MYBL2: variants seen among roughly 807,000 people sequenced by gnomAD.
MYBL2 encodes the protein MYB proto-oncogene like 2.
A neutral mutation model predicts 79.9 loss-of-function variants in MYBL2; 28 were observed. The observed-to-expected ratio is 0.35, with a 90% CI of 0.26 to 0.48. The LOEUF (loss-of-function observed/expected upper bound fraction) is 0.48. Among genes scored for constraint, MYBL2 ranks in the 20% least tolerant of loss-of-function variants. The pLI is 0.99. For missense variants in MYBL2, 735 were observed against 893.9 expected (o/e 0.82, Z 2.27); for synonymous variants, 378 against 361.2 (o/e 1.05, Z -0.53).
chr20:43,703,465 C>T (rs141276928), intron 8 of MYBL2, among the ~76,000 whole-genome samples: 2 of 152,250 alleles, frequency 1.3e-5, no homozygotes, highest in South Asian at 2.1e-4. Flanking sequence ...CCTCGGGAGC[C>T]GGGATGGGTG....
At position 43,682,869 on chromosome 20, in the gene MYBL2, A is replaced by G; in HGVS notation, c.262A>G (p.Lys88Glu). Residue 88 changes from lysine to glutamate, a missense_variant, in exon 4 of 14, where the codon AAA becomes GAA. By Grantham distance (56) the Lys-to-Glu change is moderately conservative. Transcript: ENST00000217026. ...NPDLVKGPWT[K>E]EEDQKVIELV... ...AGACCTTGTCAAGGGGCCATGGACC[A>G]AAGAGGAAGACCAAAAAGTAACTGC... The G allele has an allele frequency of 1.2e-6, 2 of 1,613,990 alleles. No individual in the cohort carries two copies. Among genetic ancestry groups the G allele is most frequent in the Non-Finnish European group, 1.7e-6 (2 of 1,179,862 alleles).
At chr20:43,668,857 C>G (rs1043243165) in intron 1 of MYBL2, among the ~76,000 whole-genome samples, 1 of 151,998 alleles carries the variant, frequency 6.6e-6, no homozygotes, top group Non-Finnish European at 1.5e-5. Context: ...CGGGCCGCCA[C>G]AACTGGCTAA....
chr20:43,707,494 C>T (rs1310247989), intron 9 of MYBL2, among the ~76,000 whole-genome samples: 2 of 152,174 alleles, frequency 1.3e-5, no homozygotes, highest in Non-Finnish European at 2.9e-5. Context: ...CTTCTGAAGG[C>T]CATCCTTTAA....
chr20:43,703,639 G>T (rs1987719442), intron 8 of MYBL2, among the ~76,000 whole-genome samples: 1 of 152,180 alleles, frequency 6.6e-6, no homozygotes, highest in Non-Finnish European at 1.5e-5. Flanking sequence ...GTGGGCCTAG[G>T]TATAACTTAG....
chr20:43,690,831 G>T (rs1987389274), intron 5 of MYBL2, among the ~76,000 whole-genome samples: 1 of 152,128 alleles, frequency 6.6e-6, no homozygotes, highest in Non-Finnish European at 1.5e-5. Flanking sequence ...TGATCCACCT[G>T]CCTCAGCCTC....
intron 10 of MYBL2, 91 bp from the exon 11 acceptor site, chr20:43,711,397 A>G: frequency 1.1e-6 from 1 of 911,774 alleles, no homozygotes; most frequent in Non-Finnish European, 1.7e-6. Context: ...TACCCAGGAC[A>G]GCCCAGTTGC....
intron 13 of MYBL2, 26 bp downstream of exon 13, chr20:43,715,309 G>A: frequency 6.2e-7 from 1 of 1,613,632 alleles, no homozygotes; most frequent in Non-Finnish European, 8.5e-7. Flanking sequence ...ATCTCTGGGG[G>A]TCCTGCAGTG....
At position 43,711,003 on chromosome 20, in the gene MYBL2, A is replaced by C. The variant is rs937249059; in HGVS notation, c.1606-485A>C. On this transcript the variant is annotated intron_variant, in intron 10 of 13. Transcript: ENST00000217026. ...ATTCGCACCTTTCACTCTTAGTAGC[A>C]CTCGCCCTCCCCTGTTCTCTGTTGC... 1.5e-4 allele frequency among the ~76,000 whole-genome samples: 23 copies of C among 151,626 alleles called. 2 individuals carry two copies. Among genetic ancestry groups the C allele is most frequent in the Admixed American group, 1.4e-3 (21 of 15,210 alleles).
chr20:43,702,168 A>G (rs1987687775), intron 7 of MYBL2, among the ~76,000 whole-genome samples: 1 of 152,036 alleles, frequency 6.6e-6, no homozygotes, highest in African/African-American at 2.4e-5. Flanking sequence ...GAATGGTGGT[A>G]CATGTCTGTA....
At chr20:43,697,011 C>G (rs1389990486) in intron 6 of MYBL2, among the ~76,000 whole-genome samples, 2 of 152,292 alleles carry the variant, frequency 1.3e-5, no homozygotes, top group Non-Finnish European at 2.9e-5. Context: ...AGGCGTGAGC[C>G]ACTGCGCCCG....
At chr20:43,685,571 A>G (rs993687673) in intron 4 of MYBL2, among the ~76,000 whole-genome samples, 10 of 152,194 alleles carry the variant, frequency 6.6e-5, no homozygotes, top group Non-Finnish European at 1.0e-4. Flanking sequence ...CAGCCTGGCC[A>G]ACATGGTGAA....
intron 2 of MYBL2, among the ~76,000 whole-genome samples, chr20:43,674,234 C>CCCT (rs33986259): frequency 0.11 from 7,902 of 71,896 alleles, 1,897 homozygotes; most frequent in East Asian, 0.25. Flanking sequence ...TCCCCCCACC[C>CCCT]TTTTTTTTTT....
intron 1 of MYBL2, among the ~76,000 whole-genome samples, chr20:43,672,869 A>G (rs1016317073): frequency 2.6e-5 from 4 of 152,218 alleles, no homozygotes; most frequent in Non-Finnish European, 4.4e-5. Flanking sequence ...TAAAATATCC[A>G]TGCAGGTTTG....
chr20:43,701,572 G>C (rs1198877022), intron 7 of MYBL2, among the ~76,000 whole-genome samples: 1 of 152,224 alleles, frequency 6.6e-6, no homozygotes, highest in Non-Finnish European at 1.5e-5. Context: ...ACTTTGGGAA[G>C]ACCGAATCCC....
At chr20:43,690,195 T>G (rs1254003491) in intron 5 of MYBL2, among the ~76,000 whole-genome samples, 1 of 151,690 alleles carries the variant, frequency 6.6e-6, no homozygotes, top group African/African-American at 2.4e-5. Context: ...GTTTTTTGTT[T>G]TTTTTTTTTT....
At chr20:43,703,981 AC>A (rs1287823864) in intron 8 of MYBL2, among the ~76,000 whole-genome samples, 1 of 151,934 alleles carries the variant, frequency 6.6e-6, no homozygotes. Flanking sequence ...TTATAAGGAC[AC>A]CCGTTATTGG....
At chr20:43,676,111 C>T (rs1241470714) in intron 2 of MYBL2, among the ~76,000 whole-genome samples, 1 of 151,820 alleles carries the variant, frequency 6.6e-6, no homozygotes, top group African/African-American at 2.4e-5. Flanking sequence ...CTACTTGTCT[C>T]TACTAAAATG....
intron 1 of MYBL2, 177 bp from the exon 2 acceptor site, chr20:43,673,629 C>A (rs776181392): frequency 8.5e-6 from 6 of 703,392 alleles, no homozygotes; most frequent in Non-Finnish European, 7.9e-6. Flanking sequence ...CAGAGTGAGA[C>A]CCTGTCTCAA....
At position 43,682,811 on chromosome 20, in the gene MYBL2, A is replaced by G. The variant is rs376639284; in HGVS notation, c.204A>G (p.Gln68=). Residue 68 remains glutamine, a synonymous_variant, in exon 4 of 14, where the codon CAA becomes CAG. Transcript: ENST00000217026. ...TTTCCCAGAACCGCACTGACCAGCA[A>G]TGCCAGTACAGGTGGCTGAGAGTTT... The part of the protein sequence containing the change: ...ASHFPNRTDQ[Q]CQYRWLRVLN... 23 of 1,613,924 alleles carry G rather than the reference A, an allele frequency of 1.4e-5. No homozygotes were observed. The highest frequency in any genetic ancestry group is 2.2e-5 in the East Asian group (1 of 44,880).
Sources: gnomAD v4.1 joint callset for allele counts (sites outside exome capture counted in the v4.1 genomes callset) on GRCh38, gnomAD v4.1.1 for gene constraint, MANE v1.5 for transcripts, NCBI Gene and HGNC (gene_info 2026-07-23, HGNC 2026-07-21) for gene names.